STPG4: variants seen among roughly 807,000 people sequenced by gnomAD.
STPG4 encodes protein STPG4.
Under a neutral mutation model 31.5 loss-of-function variants are expected in STPG4, and 41 were observed. The ratio of observed to expected loss-of-function variants is 1.30; its 90% CI spans 1.01 to 1.69. STPG4 has a LOEUF of 1.69. Ranked by LOEUF, STPG4 falls within the 40% of genes most tolerant of loss-of-function variation. The pLI is 0.00. For missense variants in STPG4, 375 were observed against 293.4 expected (o/e 1.28, Z -2.03); for synonymous variants, 141 against 103.0 (o/e 1.37, Z -2.24).
At chr2:47,114,034 A>T (rs1184020587) in intron 5 of STPG4, among the ~76,000 whole-genome samples, 1 of 126,110 alleles carries the variant, frequency 7.9e-6, no homozygotes, top group Non-Finnish European at 1.9e-5. Context: ...TCTCAAAAAA[A>T]AAAACAAAAA....
At chr2:47,114,458 G>T (rs967581172) in intron 5 of STPG4, among the ~76,000 whole-genome samples, 5 of 152,040 alleles carry the variant, frequency 3.3e-5, no homozygotes, top group African/African-American at 1.2e-4. Flanking sequence ...AGTGAGTCGA[G>T]ATCACATGAC....
chr2:47,129,978 G>A lies in STPG4; in HGVS notation c.482C>T (p.Ser161Leu), dbSNP rs753379388. Residue 161 changes from serine to leucine, a missense_variant, in exon 5 of 7, where the codon TCA becomes TTA. Ser to Leu is a moderately radical substitution (Grantham distance 145). Coordinates refer to ENST00000445927, the MANE Select transcript of STPG4 (RefSeq NM_001163561.2). Reference sequence around the variant, plus strand: ...GGTTGTTGGGAATCTTTGAACTGTTGAGCGAAATACACAGCTCCTATATTT... The same window carrying A: ...GGTTGTTGGGAATCTTTGAACTGTTAAGCGAAATACACAGCTCCTATATTT... ...KYASRSCVFR[S>L]TVQRFPTTYF... The A allele has an allele frequency of 8.8e-6, 14 of 1,583,306 alleles. No individual in the cohort carries two copies. Among genetic ancestry groups the A allele is most frequent in the African/African-American group, 8.1e-5 (6 of 74,216 alleles).
chr2:47,092,268 G>A (rs1313915286), intron 5 of STPG4, among the ~76,000 whole-genome samples: 2 of 149,546 alleles, frequency 1.3e-5, no homozygotes, highest in African/African-American at 4.9e-5. Flanking sequence ...GGTGGCTCAC[G>A]CCTGTAATCC....
intron 5 of STPG4, among the ~76,000 whole-genome samples, chr2:47,091,827 G>C (rs1192560456): frequency 6.6e-6 from 1 of 152,076 alleles, no homozygotes; most frequent in Non-Finnish European, 1.5e-5. Flanking sequence ...AAACAATTGA[G>C]AATGTGTGCA....
intron 3 of STPG4, among the ~76,000 whole-genome samples, chr2:47,140,848 A>C (rs1686686795): frequency 6.6e-6 from 1 of 152,112 alleles, no homozygotes; most frequent in South Asian, 2.1e-4. Context: ...GAATAATCAT[A>C]AGGTGAATGC....
chr2:47,155,048 G>A, intron 1 of STPG4, 123 bp downstream of exon 1: 1 of 833,776 alleles, frequency 1.2e-6, no homozygotes, highest in South Asian at 1.5e-5. Flanking sequence ...AGGGCAGGGA[G>A]AGAAGGGTAG....
intron 5 of STPG4, among the ~76,000 whole-genome samples, chr2:47,125,108 T>A (rs1318947998): frequency 6.6e-6 from 1 of 152,206 alleles, no homozygotes; most frequent in Non-Finnish European, 1.5e-5. Flanking sequence ...GCCTATTTTT[T>A]AAACAAATTA....
intron 3 of STPG4, among the ~76,000 whole-genome samples, chr2:47,131,919 C>A (rs973410105): frequency 6.6e-6 from 1 of 152,194 alleles, no homozygotes; most frequent in African/African-American, 2.4e-5. Context: ...AATCCCAACA[C>A]TTCGGGAAGC....
At chr2:47,150,261 C>T (rs554820544) in intron 3 of STPG4, among the ~76,000 whole-genome samples, 1 of 152,172 alleles carries the variant, frequency 6.6e-6, no homozygotes, top group South Asian at 2.1e-4. Context: ...CCTTTTAATC[C>T]AGCCTCCTTT....
chr2:47,143,675 A>C (rs1686761852), intron 3 of STPG4, among the ~76,000 whole-genome samples: 1 of 151,838 alleles, frequency 6.6e-6, no homozygotes, highest in Admixed American at 6.6e-5. Context: ...TTTTTAGTAG[A>C]GTCAGGGTTT....
intron 5 of STPG4, among the ~76,000 whole-genome samples, chr2:47,101,351 C>T (rs1685795697): frequency 6.6e-6 from 1 of 151,728 alleles, no homozygotes; most frequent in Admixed American, 6.6e-5. Flanking sequence ...AGCCATGCAG[C>T]TCCAGGGTCC....
At chr2:47,128,193 A>G (rs1489354734) in intron 5 of STPG4, among the ~76,000 whole-genome samples, 1 of 152,048 alleles carries the variant, frequency 6.6e-6, no homozygotes, top group Admixed American at 6.6e-5. Context: ...CCTTCCCCCA[A>G]ACAAACGAAG....
At chr2:47,130,868 G>T (rs1686466626) in intron 3 of STPG4, among the ~76,000 whole-genome samples, 2 of 151,928 alleles carry the variant, frequency 1.3e-5, no homozygotes, top group African/African-American at 4.8e-5. Flanking sequence ...GCTGGAGAAT[G>T]ATATGGCATG....
At chr2:47,100,659 G>A (rs4952873) in intron 5 of STPG4, among the ~76,000 whole-genome samples, 89,581 of 150,764 alleles carry the variant, frequency 0.59, 27,835 homozygotes, top group East Asian at 0.77. Flanking sequence ...GGTCCACACT[G>A]CTTTTATGAG....
rs561802703 is a variant in STPG4 at position 47,107,205 on chromosome 2, G to A, written c.520-16831C>T. Reference sequence around the variant, plus strand: ...CACTTAAGGAGCCCTTCAGCCCACCGCTGCACTGTGGGAGCCCCTTTCTGG... The same window carrying A: ...CACTTAAGGAGCCCTTCAGCCCACCACTGCACTGTGGGAGCCCCTTTCTGG... On this transcript the variant is annotated intron_variant, in intron 5 of 6. Coordinates refer to ENST00000445927, the MANE Select transcript of STPG4 (RefSeq NM_001163561.2). Among the ~76,000 whole-genome samples, 34 of 152,194 alleles carry A rather than the reference G, an allele frequency of 2.2e-4. No homozygotes were observed. The East Asian group carries it at 5.2e-3, about 23-fold the overall frequency.
intron 5 of STPG4, among the ~76,000 whole-genome samples, chr2:47,102,328 C>T (rs945572982): frequency 6.6e-6 from 1 of 151,842 alleles, no homozygotes; most frequent in Non-Finnish European, 1.5e-5. Flanking sequence ...AACAGGCCCA[C>T]CCTTGAAATG....
chr2:47,125,632 G>T (rs1485818919), intron 5 of STPG4, among the ~76,000 whole-genome samples: 1 of 152,078 alleles, frequency 6.6e-6, no homozygotes, highest in Non-Finnish European at 1.5e-5. Flanking sequence ...TGCTTGTGGG[G>T]TGTCACTCAA....
Position 47,104,547 on chromosome 2 carries a change from T to C in STPG4, c.520-14173A>G, listed in dbSNP as rs537726991. On this transcript the variant is annotated intron_variant, in intron 5 of 6. Transcript: ENST00000445927. Reference sequence around the variant, plus strand: ...CCTTCTTCTGTATTCCCCTGCATTCTGACTCCCAGTTCCTCTTTGCCTTTG... The same window carrying C: ...CCTTCTTCTGTATTCCCCTGCATTCCGACTCCCAGTTCCTCTTTGCCTTTG... 2.6e-5 allele frequency among the ~76,000 whole-genome samples: 4 copies of C among 152,170 alleles called. No homozygotes were observed. In the South Asian group the frequency reaches 8.3e-4, roughly 32 times the overall value.
intron 5 of STPG4, among the ~76,000 whole-genome samples, chr2:47,119,501 A>G (rs1325986742): frequency 1.3e-5 from 2 of 152,220 alleles, no homozygotes; most frequent in African/African-American, 4.8e-5. Flanking sequence ...GTTGTTCTGT[A>G]CTAATAGTAA....
Sources: allele counts gnomAD v4.1 joint callset (sites outside exome capture counted in the v4.1 genomes callset), GRCh38; gene constraint gnomAD v4.1.1; transcripts MANE v1.5; gene names NCBI Gene and HGNC (gene_info 2026-07-23, HGNC 2026-07-21).